CPA6: variants seen among roughly 807,000 people sequenced by gnomAD.
The protein encoded by CPA6 is carboxypeptidase A6, also known as carboxypeptidase B.
Under a neutral mutation model 63.3 loss-of-function variants are expected in CPA6, and 58 were observed. The observed-to-expected ratio is 0.92, with a 90% confidence interval of 0.74 to 1.14. The LOEUF (loss-of-function observed/expected upper bound fraction) is 1.14, where lower values mean the gene tolerates loss of function less well. Ranked by LOEUF, CPA6 falls within the 50% of genes most tolerant of loss-of-function variation. CPA6 has a pLI of 0.00. For missense variants in CPA6, 565 were observed against 526.6 expected (o/e 1.07, Z -0.71); for synonymous variants, 185 against 179.0 (o/e 1.03, Z -0.27).
At chr8:67,568,814 G>C (rs151237163) in intron 2 of CPA6, among the ~76,000 whole-genome samples, 1,743 of 152,264 alleles carry the variant, frequency 0.011, 39 homozygotes, top group African/African-American at 0.04. Context: ...GCAGTGGCAC[G>C]ATCTCGGCTC....
chr8:67,731,823 G>C (rs1365011541), intron 1 of CPA6, among the ~76,000 whole-genome samples: 1 of 152,186 alleles, frequency 6.6e-6, no homozygotes, highest in African/African-American at 2.4e-5. Flanking sequence ...AAGATACACT[G>C]GAAGTTCTTT....
intron 2 of CPA6, among the ~76,000 whole-genome samples, chr8:67,544,831 C>A (rs541256415): frequency 2.0e-5 from 3 of 152,278 alleles, no homozygotes; most frequent in African/African-American, 4.8e-5. Flanking sequence ...TGCGACTCCC[C>A]CTTCTTACCC....
At chr8:67,509,647 A>C (rs772421594) in intron 4 of CPA6, 29 bp from the exon 5 acceptor site, 1 of 1,125,488 alleles carries the variant, frequency 8.9e-7, no homozygotes, top group Non-Finnish European at 1.3e-6. Context: ...AAACTATGTT[A>C]GACTCTCTCA....
At chr8:67,543,156 T>C (rs1001568537) in intron 2 of CPA6, among the ~76,000 whole-genome samples, 37 of 152,214 alleles carry the variant, frequency 2.4e-4, no homozygotes, top group African/African-American at 8.9e-4. Context: ...TGTAATGTTA[T>C]AGAAGACAAG....
At chr8:67,711,703 A>ACACACG (rs1415297482) in intron 1 of CPA6, among the ~76,000 whole-genome samples, 1 of 149,726 alleles carries the variant, frequency 6.7e-6, no homozygotes, top group African/African-American at 2.5e-5. Context: ...ACACACACAC[A>ACACACG]CACACACACA....
At position 67,624,203 on chromosome 8, in the gene CPA6, T is replaced by C; in HGVS notation, c.165A>G (p.Ala55=). ...FIPKTEEEAY[A]LKKISYQLKV... is the part of the protein sequence containing the mutation. The stretch of plus-strand genomic sequence containing the variant: ...TAAGTTGATAGGATATTTTCTTCAG[T>C]GCATATGCTTCCTCTTCTGTTTTGG... The change falls in exon 2 of 11, where the codon GCA becomes GCG. Residue 55 remains alanine (A), a synonymous_variant. Coordinates refer to ENST00000297770, the MANE Select transcript of CPA6 (RefSeq NM_020361.5). 6.5e-7 allele frequency: 1 copy of C among 1,549,776 alleles called. No individual in the cohort carries two copies. The highest frequency in any genetic ancestry group is 8.9e-7 in the Non-Finnish European group (1 of 1,123,706).
At chr8:67,534,243 A>C (rs928500131) in intron 2 of CPA6, among the ~76,000 whole-genome samples, 14 of 152,108 alleles carry the variant, frequency 9.2e-5, no homozygotes, top group Non-Finnish European at 1.9e-4. Flanking sequence ...TGAATATGTC[A>C]TGGATACTGT....
At chr8:67,596,415 T>C (rs554790725) in intron 2 of CPA6, among the ~76,000 whole-genome samples, 21 of 152,346 alleles carry the variant, frequency 1.4e-4, no homozygotes, top group Admixed American at 1.3e-3. Context: ...CTGCTTGTTT[T>C]AGTGAATGAA....
chr8:67,708,431 C>T (rs1027799804), intron 1 of CPA6, among the ~76,000 whole-genome samples: 2 of 152,116 alleles, frequency 1.3e-5, no homozygotes, highest in Non-Finnish European at 2.9e-5. Flanking sequence ...TTTTTGTCTG[C>T]AATTTATAAT....
chr8:67,660,968 C>T (rs1014478309), intron 1 of CPA6, among the ~76,000 whole-genome samples: 5 of 152,142 alleles, frequency 3.3e-5, no homozygotes, highest in Non-Finnish European at 7.4e-5. Context: ...AGGGACAGAG[C>T]TTTTTGTGTA....
intron 2 of CPA6, among the ~76,000 whole-genome samples, chr8:67,617,170 C>A (rs1320644459): frequency 6.6e-6 from 1 of 152,170 alleles, no homozygotes; most frequent in Admixed American, 6.5e-5. Flanking sequence ...TAAAGGATCA[C>A]TGGGGTAGAT....
At chr8:67,556,880 C>T (rs1303991856) in intron 2 of CPA6, among the ~76,000 whole-genome samples, 1 of 152,206 alleles carries the variant, frequency 6.6e-6, no homozygotes, top group African/African-American at 2.4e-5. Flanking sequence ...GAGATTAGCA[C>T]CTGGACCGTG....
intron 7 of CPA6, 86 bp downstream of exon 7, chr8:67,484,593 G>A: frequency 1.5e-6 from 1 of 669,386 alleles, no homozygotes; most frequent in Admixed American, 2.6e-5. Context: ...TGCCTGTCCA[G>A]CTTCTTTCCT....
At chr8:67,513,782 G>A (rs541962528) in intron 3 of CPA6, among the ~76,000 whole-genome samples, 6 of 152,190 alleles carry the variant, frequency 3.9e-5, no homozygotes, top group South Asian at 2.1e-4. Context: ...GTCTCAGAAC[G>A]GTCTTTGTAA....
chr8:67,648,258 G>GTTTTTTT (rs4009129), intron 1 of CPA6, among the ~76,000 whole-genome samples: 33 of 113,858 alleles, frequency 2.9e-4, no homozygotes, highest in Non-Finnish European at 3.9e-4. Flanking sequence ...CCTAGATTAG[G>GTTTTTTT]TTTTTTTTTT....
In CPA6 at chr8:67,619,363, C is replaced by T. The variant is rs117560972; in HGVS notation, c.192+4813G>A. On this transcript the variant is annotated intron_variant, in intron 2 of 10. Transcript: ENST00000297770. ...TTAAAACAATACCTATTTATCATCT[C>T]ACAGTTCTGCAGGTCAGAAGTCCCG... is the stretch of plus-strand genomic sequence containing the variant. Among the ~76,000 whole-genome samples, 57 of 152,328 alleles carry T rather than the reference C, an allele frequency of 3.7e-4. 3 individuals carry two copies. The East Asian group carries it at 0.011, about 29-fold the overall frequency.
rs954173020 is a variant in CPA6, at chr8:67,545,436, C to T, written c.193-27389G>A. Among the ~76,000 whole-genome samples the T allele has an allele frequency of 7.9e-5, 12 of 152,268 alleles. No individual in the cohort carries two copies. The Middle Eastern group carries it at 0.01, about 129-fold the overall frequency. On this transcript the variant is annotated intron_variant, in intron 2 of 10. Transcript: ENST00000297770. ...ATTCTGTCTCTGAAATGTCCCTCAC[C>T]TTCAGCCCCATTGCCTGAACCTACA...
At chr8:67,619,946 G>C (rs1213960660) in intron 2 of CPA6, among the ~76,000 whole-genome samples, 2 of 152,172 alleles carry the variant, frequency 1.3e-5, no homozygotes, top group East Asian at 1.9e-4. Flanking sequence ...AACTCTTGTT[G>C]TTTCAGTATA....
chr8:67,657,969 G>A (rs574454322), intron 1 of CPA6, among the ~76,000 whole-genome samples: 1 of 152,270 alleles, frequency 6.6e-6, no homozygotes, highest in African/African-American at 2.4e-5. Flanking sequence ...TGAAGATCCT[G>A]TTACCAACCT....
Sources: gnomAD v4.1 joint callset for allele counts (sites outside exome capture counted in the v4.1 genomes callset) on GRCh38, gnomAD v4.1.1 for gene constraint, MANE v1.5 for transcripts, NCBI Gene and HGNC (gene_info 2026-07-23, HGNC 2026-07-21) for gene names.